Variants in CWC27 observed in about 807,000 individuals in gnomAD.
CWC27 encodes spliceosome-associated protein CWC27 homolog.
In CWC27, 47 loss-of-function variants were observed where a neutral mutation model predicts 63.6. That is an observed-to-expected ratio of 0.74 (90% CI 0.58 to 0.94). CWC27 has a LOEUF of 0.94. CWC27 is among the 40% of genes least tolerant of loss of function. The pLI is 0.00. For missense variants in CWC27, 495 were observed against 554.3 expected (o/e 0.89, Z 1.07); for synonymous variants, 175 against 179.8 (o/e 0.97, Z 0.22).
rs150500757 is a variant in CWC27 at position 64,825,432 on chromosome 5, A to C, written c.938+21046A>C. On this transcript the variant is annotated intron_variant, in intron 10 of 13. Coordinates refer to ENST00000381070, the MANE Select transcript of CWC27 (RefSeq NM_005869.4). ...GAACTAACAATTTACCAAATTGGCA[A>C]GTTTCCTATGTTATTAAAAGTCCTT... Among the ~76,000 whole-genome samples, 109 of 152,310 alleles carry C rather than the reference A, an allele frequency of 7.2e-4. 1 individual carries two copies. The East Asian group carries it at 0.014, about 19-fold the overall frequency.
intron 13 of CWC27, among the ~76,000 whole-genome samples, chr5:65,000,480 T>C (rs537508064): frequency 6.6e-6 from 1 of 152,276 alleles, no homozygotes; most frequent in Non-Finnish European, 1.5e-5. Context: ...AAGTCTTTAA[T>C]TCATTTTGAG....
chr5:64,934,511 G>A (rs142804080), intron 11 of CWC27, among the ~76,000 whole-genome samples: 2,148 of 152,160 alleles, frequency 0.014, 58 homozygotes, highest in African/African-American at 0.048. Context: ...ATTGATGAGC[G>A]TTTGGGTTGG....
At chr5:64,814,676 G>T (rs1235426010) in intron 10 of CWC27, among the ~76,000 whole-genome samples, 1 of 152,152 alleles carries the variant, frequency 6.6e-6, no homozygotes, top group Non-Finnish European at 1.5e-5. Flanking sequence ...GCCTAGAGAG[G>T]GGTTGGCCAG....
intron 11 of CWC27, among the ~76,000 whole-genome samples, chr5:64,904,582 A>T (rs993769365): frequency 6.6e-6 from 1 of 152,214 alleles, no homozygotes; most frequent in Non-Finnish European, 1.5e-5. Flanking sequence ...TGGGGAGAAG[A>T]GGCATGAGAA....
At position 64,807,468 on chromosome 5, in the gene CWC27, T is replaced by A. The variant is rs1323860726; in HGVS notation, c.938+3082T>A. The A allele has an allele frequency of 3.2e-6, 4 of 1,230,772 alleles. No individual in the cohort carries two copies. In the African/African-American group the frequency reaches 6.1e-5, roughly 19 times the overall value. 76.2% of individuals were successfully genotyped at this position (1,230,772 alleles called of 1,614,324 possible). A position where few individuals can be genotyped will look rare whatever the true frequency, so the allele number is the denominator to read the frequency against. On this transcript the variant is annotated intron_variant, in intron 10 of 13. Coordinates refer to ENST00000381070, the MANE Select transcript of CWC27 (RefSeq NM_005869.4). ...ATTTGAAAAAAGAGCTCAGGGGAAATACAAATCCAAAACGCTTCCTAGTTT... is the reference window on the plus strand; with the variant it reads ...ATTTGAAAAAAGAGCTCAGGGGAAAAACAAATCCAAAACGCTTCCTAGTTT...
chr5:64,852,753 G>T (rs887729769), intron 10 of CWC27, among the ~76,000 whole-genome samples: 2 of 151,482 alleles, frequency 1.3e-5, no homozygotes, highest in Admixed American at 6.6e-5. Flanking sequence ...AATTACAGGC[G>T]TGAGCCACTG....
intron 10 of CWC27, among the ~76,000 whole-genome samples, chr5:64,850,524 G>A (rs1329056269): frequency 2.0e-5 from 3 of 152,026 alleles, no homozygotes; most frequent in African/African-American, 4.8e-5. Flanking sequence ...TGATATTTTG[G>A]ATTTGACAAG....
chr5:64,822,251 G>A (rs1745221845), intron 10 of CWC27, among the ~76,000 whole-genome samples: 1 of 152,188 alleles, frequency 6.6e-6, no homozygotes, highest in Non-Finnish European at 1.5e-5. Flanking sequence ...TAGGTAATTT[G>A]CATCCATCAA....
intron 13 of CWC27, among the ~76,000 whole-genome samples, chr5:65,000,614 T>A (rs1301968536): frequency 6.6e-6 from 1 of 152,126 alleles, no homozygotes; most frequent in East Asian, 1.9e-4. Context: ...CTTGGCACCT[T>A]TGTTGAAAGT....
intron 13 of CWC27, among the ~76,000 whole-genome samples, chr5:65,007,078 T>C (rs1749861565): frequency 6.6e-6 from 1 of 152,076 alleles, no homozygotes; most frequent in Non-Finnish European, 1.5e-5. Context: ...ACTACCTCAG[T>C]GAAGTGATCA....
At chr5:64,867,664 A>G (rs1746561814) in intron 10 of CWC27, among the ~76,000 whole-genome samples, 1 of 152,094 alleles carries the variant, frequency 6.6e-6, no homozygotes, top group Non-Finnish European at 1.5e-5. Context: ...AACATGAGAA[A>G]GTAATATCAG....
intron 10 of CWC27, among the ~76,000 whole-genome samples, chr5:64,809,555 G>A (rs1318601545): frequency 6.6e-6 from 1 of 152,104 alleles, no homozygotes; most frequent in Non-Finnish European, 1.5e-5. Context: ...TTTCAGTAGA[G>A]ACAGGGTTTC....
chr5:64,995,297 A>G (rs1309543), intron 13 of CWC27, among the ~76,000 whole-genome samples: 112,237 of 152,046 alleles, frequency 0.74, 42,127 homozygotes, highest in African/African-American at 0.87. Context: ...TTTTTGTTTA[A>G]AATATTTTTA....
intron 10 of CWC27, among the ~76,000 whole-genome samples, chr5:64,810,762 A>G (rs1744853468): frequency 6.6e-6 from 1 of 152,124 alleles, no homozygotes; most frequent in Non-Finnish European, 1.5e-5. Flanking sequence ...ACTCCCAAAC[A>G]CATACCTCCT....
At chr5:64,862,660 A>G (rs575825319) in intron 10 of CWC27, among the ~76,000 whole-genome samples, 1 of 152,196 alleles carries the variant, frequency 6.6e-6, no homozygotes, top group Non-Finnish European at 1.5e-5. Flanking sequence ...GCTTGTCTGT[A>G]TATGTCCAGA....
chr5:64,800,209 T>C, intron 7 of CWC27, 39 bp from the exon 8 acceptor site: 1 of 1,343,542 alleles, frequency 7.4e-7, no homozygotes, highest in East Asian at 2.4e-5. Context: ...GAATACTGTT[T>C]ATTTCCCCCC....
At chr5:64,924,701 A>T (rs898870308) in intron 11 of CWC27, among the ~76,000 whole-genome samples, 5 of 152,168 alleles carry the variant, frequency 3.3e-5, no homozygotes, top group Admixed American at 6.5e-5. Flanking sequence ...CTACCACGTT[A>T]TAGTCCCTGG....
intron 13 of CWC27, among the ~76,000 whole-genome samples, chr5:64,978,632 G>A (rs867912585): frequency 3.7e-4 from 56 of 150,834 alleles, no homozygotes; most frequent in African/African-American, 1.4e-3. Flanking sequence ...GGCGGTGGGG[G>A]GGATTCCTTG....
chr5:64,931,482 C>A (rs1748235838), intron 11 of CWC27, among the ~76,000 whole-genome samples: 3 of 151,136 alleles, frequency 2.0e-5, no homozygotes, highest in Non-Finnish European at 3.0e-5. Flanking sequence ...TTACATTTTT[C>A]TTTTTTATCT....
Sources: gnomAD v4.1 joint callset for allele counts (sites outside exome capture counted in the v4.1 genomes callset) on GRCh38, gnomAD v4.1.1 for gene constraint, MANE v1.5 for transcripts, NCBI Gene and HGNC (gene_info 2026-07-23, HGNC 2026-07-21) for gene names.